Variants in CCDC171 observed in about 807,000 individuals in gnomAD.
CCDC171 encodes coiled-coil domain containing 171.
CCDC171 carries 177 observed loss-of-function variants against 168.2 expected under a neutral mutation model. That is an observed-to-expected ratio of 1.05 (90% CI 0.93 to 1.19). The LOEUF (loss-of-function observed/expected upper bound fraction) is 1.19, where lower values mean the gene tolerates loss of function less well. Among genes scored for constraint, CCDC171 ranks in the 50% most tolerant of loss-of-function variants. The pLI, the probability that CCDC171 is intolerant of heterozygous loss-of-function variation, is 0.00. For missense variants in CCDC171, 1,991 were observed against 1,539.0 expected (o/e 1.29, Z -4.91); for synonymous variants, 687 against 540.8 (o/e 1.27, Z -3.75).
At chr9:15,842,270 C>T (rs574855338) in intron 21 of CCDC171, among the ~76,000 whole-genome samples, 37 of 152,100 alleles carry the variant, frequency 2.4e-4, no homozygotes, top group Admixed American at 5.9e-4. Context: ...GCTTGGTCTT[C>T]TTAGCGGCCT....
intron 7 of CCDC171, among the ~76,000 whole-genome samples, chr9:15,655,079 G>A (rs1005890419): frequency 6.6e-6 from 1 of 151,936 alleles, no homozygotes; most frequent in Non-Finnish European, 1.5e-5. Context: ...TATACCTAAT[G>A]TTAAATGACG....
At chr9:15,725,426 C>A (rs2053736495) in intron 14 of CCDC171, among the ~76,000 whole-genome samples, 1 of 152,038 alleles carries the variant, frequency 6.6e-6, no homozygotes, top group African/African-American at 2.4e-5. Context: ...ATAGCTTAGC[C>A]TCTCCACATC....
chr9:16,032,511 A>T (rs1396994844), intron 6 of CCDC171, among the ~76,000 whole-genome samples: 1 of 152,156 alleles, frequency 6.6e-6, no homozygotes, highest in Non-Finnish European at 1.5e-5. Context: ...CTTCTCTCCT[A>T]CTTCCACATT....
intron 7 of CCDC171, among the ~76,000 whole-genome samples, chr9:15,629,795 C>G (rs1203912351): frequency 6.6e-6 from 1 of 152,134 alleles, no homozygotes; most frequent in Non-Finnish European, 1.5e-5. Context: ...GGGTTACCCA[C>G]AAAGGGAAGC....
chr9:15,958,516 GTATTA>G (rs59603926), intron 25 of CCDC171, among the ~76,000 whole-genome samples: 4,056 of 136,606 alleles, frequency 0.03, 61 homozygotes, highest in Middle Eastern at 0.055. Flanking sequence ...CGGAGGTGAG[GTATTA>G]TATTATATTA....
At chr9:15,679,262 T>A (rs921271107) in intron 10 of CCDC171, among the ~76,000 whole-genome samples, 1 of 152,204 alleles carries the variant, frequency 6.6e-6, no homozygotes, top group African/African-American at 2.4e-5. Flanking sequence ...GTAATTGTTT[T>A]GTACCTGATC....
intron 1 of CCDC171, among the ~76,000 whole-genome samples, chr9:16,054,875 C>T (rs992341687): frequency 2.6e-5 from 4 of 152,230 alleles, no homozygotes; most frequent in Non-Finnish European, 2.9e-5. Flanking sequence ...ACCCAGACAC[C>T]CCCTCCCCAC....
intron 11 of CCDC171, among the ~76,000 whole-genome samples, chr9:15,706,066 A>G (rs1330807525): frequency 3.9e-5 from 6 of 152,156 alleles, no homozygotes; most frequent in African/African-American, 1.4e-4. Context: ...GATTGCCTCT[A>G]TCATTAGGGA....
intron 21 of CCDC171, among the ~76,000 whole-genome samples, chr9:15,840,987 G>C: frequency 6.6e-6 from 1 of 151,858 alleles, no homozygotes; most frequent in East Asian, 1.9e-4. Flanking sequence ...GGAAGAATTA[G>C]CTTTTTTATT....
rs747724635 is a variant in CCDC171, at chr9:15,695,231, A to G, written c.1216-4A>G. 3.7e-6 allele frequency: 6 copies of G among 1,610,564 alleles called. No homozygotes were observed. Among genetic ancestry groups the G allele is most frequent in the Non-Finnish European group, 5.1e-6 (6 of 1,177,000 alleles). On this transcript the variant is annotated splice_region_variant and splice_polypyrimidine_tract_variant and intron_variant, in intron 10 of 25. Transcript: ENST00000380701. The stretch of plus-strand genomic sequence containing the variant: ...TTATGTGTAATTTTTTTCTTAATTA[A>G]AAGGCTAAGAAGCACCAGGCCTTCC...
At chr9:15,812,838 G>T (rs75563314) in intron 21 of CCDC171, among the ~76,000 whole-genome samples, 6,232 of 152,224 alleles carry the variant, frequency 0.041, 291 homozygotes, top group South Asian at 0.11. Context: ...TGCGTTCCCT[G>T]TCCCCACTAA....
intron 21 of CCDC171, among the ~76,000 whole-genome samples, chr9:15,788,138 A>G (rs933511293): frequency 3.9e-5 from 6 of 152,190 alleles, no homozygotes; most frequent in African/African-American, 1.4e-4. Context: ...TAATGTGAAA[A>G]TGCTCTCTTG....
chr9:15,869,737 T>C (rs761289440), intron 23 of CCDC171, among the ~76,000 whole-genome samples: 14 of 151,696 alleles, frequency 9.2e-5, no homozygotes, highest in Non-Finnish European at 1.0e-4. Context: ...TCAAGATGTG[T>C]ACTAGACTAT....
chr9:15,574,472 T>C (rs1163597194), intron 3 of CCDC171, among the ~76,000 whole-genome samples: 1 of 151,690 alleles, frequency 6.6e-6, no homozygotes, highest in East Asian at 1.9e-4. Flanking sequence ...GGAGACGGAG[T>C]TTTACCATGT....
intron 16 of CCDC171, among the ~76,000 whole-genome samples, chr9:15,732,288 C>T (rs980796065): frequency 6.6e-6 from 1 of 152,004 alleles, no homozygotes; most frequent in Admixed American, 6.6e-5. Flanking sequence ...TGTCTTGTTT[C>T]TTCTAGAAGT....
At chr9:15,870,995 G>A (rs2062015259) in intron 23 of CCDC171, among the ~76,000 whole-genome samples, 1 of 150,988 alleles carries the variant, frequency 6.6e-6, no homozygotes, top group Non-Finnish European at 1.5e-5. Flanking sequence ...TGACTTTTTA[G>A]AAAGTTTTAT....
chr9:15,696,083 TG>T (rs1442369437), intron 11 of CCDC171, among the ~76,000 whole-genome samples: 1 of 152,216 alleles, frequency 6.6e-6, no homozygotes, highest in Non-Finnish European at 1.5e-5. Context: ...CTGAATTATT[TG>T]GTGGTCTTCT....
intron 7 of CCDC171, among the ~76,000 whole-genome samples, chr9:15,626,126 T>C (rs997149638): frequency 2.0e-5 from 3 of 152,220 alleles, no homozygotes; most frequent in Non-Finnish European, 4.4e-5. Context: ...TGTCTCATAT[T>C]GGTGTATAAG....
downstream of CCDC171, among the ~76,000 whole-genome samples, chr9:16,062,911 CAT>C (rs1363990062): frequency 2.0e-5 from 3 of 152,160 alleles, no homozygotes; most frequent in Non-Finnish European, 4.4e-5. Flanking sequence ...TCACTAGAGA[CAT>C]GTGCTCGGTG....
Sources: gnomAD v4.1 joint callset for allele counts (sites outside exome capture counted in the v4.1 genomes callset) on GRCh38, gnomAD v4.1.1 for gene constraint, MANE v1.5 for transcripts, NCBI Gene and HGNC (gene_info 2026-07-23, HGNC 2026-07-21) for gene names.